CABCOCO1: variants seen among roughly 807,000 people sequenced by gnomAD.
The protein encoded by CABCOCO1 is ciliary-associated calcium-binding coiled-coil protein 1.
CABCOCO1 carries 28 observed loss-of-function variants against 35.7 expected under a neutral mutation model. The ratio of observed to expected loss-of-function variants is 0.78; its 90% CI spans 0.58 to 1.07. The LOEUF is 1.07. Ranked by LOEUF, CABCOCO1 falls within the 50% of genes least tolerant of loss-of-function variation. The pLI is 0.00. For synonymous variants in CABCOCO1, 95 were observed against 100.1 expected (o/e 0.95, Z 0.30); for missense variants, 326 against 309.2 (o/e 1.05, Z -0.41).
chr10:61,695,053 A>G (rs1362003628), intron 5 of CABCOCO1, among the ~76,000 whole-genome samples: 2 of 152,114 alleles, frequency 1.3e-5, no homozygotes, highest in East Asian at 3.8e-4. Context: ...AAAATCACAC[A>G]GAAAACAAAA....
intron 5 of CABCOCO1, among the ~76,000 whole-genome samples, chr10:61,722,163 A>G (rs909399944): frequency 2.6e-5 from 4 of 152,150 alleles, no homozygotes; most frequent in African/African-American, 9.7e-5. Context: ...AACTATATCT[A>G]TATTTCCTCT....
In CABCOCO1 at chr10:61,765,999, T is replaced by C. The variant is rs376952826; in HGVS notation, c.877T>C (p.Leu293=). The C allele has an allele frequency of 2.5e-5, 41 of 1,612,524 alleles. No homozygotes were observed. The highest frequency in any genetic ancestry group is 9.4e-5 in the African/African-American group (7 of 74,830). ...GGCCTTTAATGCACGAATAGAAAAA[T>C]TGAAAAAGGCCTAAGGACTTGGTAC... ...EEAFNARIEK[L]KKA Residue 293 remains leucine (L), a synonymous_variant, in exon 8 of 8, where the codon TTG becomes CTG. Coordinates refer to ENST00000648843, the MANE Select transcript of CABCOCO1 (RefSeq NM_001366906.2).
At chr10:61,710,613 C>T (rs12771450) in intron 5 of CABCOCO1, among the ~76,000 whole-genome samples, 18,174 of 151,718 alleles carry the variant, frequency 0.12, 1,439 homozygotes, top group African/African-American at 0.19. Context: ...AAAAACCATG[C>T]TCTAATCAAG....
chr10:61,721,756 A>G (rs914028674), intron 5 of CABCOCO1, among the ~76,000 whole-genome samples: 1 of 152,184 alleles, frequency 6.6e-6, no homozygotes, highest in Admixed American at 6.5e-5. Flanking sequence ...GGAGTGATGC[A>G]TTCCATAGAA....
At chr10:61,716,448 G>A (rs1406792462) in intron 5 of CABCOCO1, among the ~76,000 whole-genome samples, 2 of 151,906 alleles carry the variant, frequency 1.3e-5, no homozygotes, top group Non-Finnish European at 2.9e-5. Flanking sequence ...GGAGTGACAG[G>A]GAATTTGCAG....
In CABCOCO1 at chr10:61,733,660, T is replaced by C. The variant is rs1192860699; in HGVS notation, c.553-26399T>C. 2.0e-5 allele frequency among the ~76,000 whole-genome samples: 3 copies of C among 152,104 alleles called. No homozygotes were observed. The East Asian group carries it at 5.8e-4, about 29-fold the overall frequency. On this transcript the variant is annotated intron_variant, in intron 5 of 7. Transcript: ENST00000648843. ...ATATAGTTTTGTCATTTTTTTCCTT[T>C]GCAACTAGACATTAAATTACTTTCA...
At chr10:61,694,695 C>A (rs1299158352) in intron 5 of CABCOCO1, among the ~76,000 whole-genome samples, 3 of 151,968 alleles carry the variant, frequency 2.0e-5, no homozygotes, top group African/African-American at 7.2e-5. Context: ...GCCTGACACT[C>A]AGAAATGCTT....
At chr10:61,707,784 C>T (rs187328588) in intron 5 of CABCOCO1, among the ~76,000 whole-genome samples, 37 of 152,018 alleles carry the variant, frequency 2.4e-4, no homozygotes, top group Admixed American at 1.9e-3. Context: ...GCTCACTAAC[C>T]TTGAATGAAT....
chr10:61,741,422 T>G (rs1841547319), intron 5 of CABCOCO1, among the ~76,000 whole-genome samples: 1 of 152,148 alleles, frequency 6.6e-6, no homozygotes. Flanking sequence ...GGTGAATGAG[T>G]GCCACCTATT....
At chr10:61,717,613 G>A (rs1334616341) in intron 5 of CABCOCO1, among the ~76,000 whole-genome samples, 1 of 151,854 alleles carries the variant, frequency 6.6e-6, no homozygotes, top group African/African-American at 2.4e-5. Context: ...AAAAAAGGAG[G>A]GTAATATGGT....
At chr10:61,710,883 C>T (rs1439844369) in intron 5 of CABCOCO1, among the ~76,000 whole-genome samples, 1 of 151,804 alleles carries the variant, frequency 6.6e-6, no homozygotes, top group Non-Finnish European at 1.5e-5. Context: ...GACAGCTTTT[C>T]ACTCCAGGCA....
At chr10:61,667,405 G>A (rs879374977) in intron 1 of CABCOCO1, among the ~76,000 whole-genome samples, 5 of 146,088 alleles carry the variant, frequency 3.4e-5, no homozygotes, top group African/African-American at 1.3e-4. Flanking sequence ...TTTTTTTCTT[G>A]ACAAGTATGT....
chr10:61,750,750 A>C (rs113517583), intron 5 of CABCOCO1, among the ~76,000 whole-genome samples: 2 of 152,240 alleles, frequency 1.3e-5, no homozygotes, highest in East Asian at 3.8e-4. Context: ...CCGTTTTTCA[A>C]GAAAAATATT....
At chr10:61,699,268 T>C (rs552421414) in intron 5 of CABCOCO1, among the ~76,000 whole-genome samples, 44 of 152,312 alleles carry the variant, frequency 2.9e-4, no homozygotes, top group African/African-American at 1.0e-3. Flanking sequence ...CAGTCCTTTT[T>C]CTCCGAAGCA....
chr10:61,722,246 A>G (rs1841040416), intron 5 of CABCOCO1, among the ~76,000 whole-genome samples: 1 of 152,242 alleles, frequency 6.6e-6, no homozygotes, highest in African/African-American at 2.4e-5. Flanking sequence ...TGTCCACAAA[A>G]TAAACCTCAA....
At chr10:61,680,564 T>C (rs1379944075) in intron 2 of CABCOCO1, among the ~76,000 whole-genome samples, 2 of 17,912 alleles carry the variant, frequency 1.1e-4, no homozygotes, top group Non-Finnish European at 2.8e-4. Context: ...TAATATATAT[T>C]TGTATATATT....
intron 5 of CABCOCO1, among the ~76,000 whole-genome samples, chr10:61,710,955 A>G (rs185738860): frequency 1.8e-4 from 28 of 151,952 alleles, no homozygotes; most frequent in Non-Finnish European, 3.5e-4. Context: ...ACCCCAAATC[A>G]ATCACCAAAA....
At chr10:61,664,819 A>C (rs1839115933) in intron 1 of CABCOCO1, among the ~76,000 whole-genome samples, 1 of 152,126 alleles carries the variant, frequency 6.6e-6, no homozygotes, top group Non-Finnish European at 1.5e-5. Context: ...ATTTGTGCTG[A>C]TTGGGGGTGT....
intron 5 of CABCOCO1, among the ~76,000 whole-genome samples, chr10:61,708,807 G>C (rs564703559): frequency 6.6e-6 from 1 of 152,218 alleles, no homozygotes; most frequent in South Asian, 2.1e-4. Flanking sequence ...AAATAAATTA[G>C]ATAACAGTTT....
Sources: gnomAD v4.1 joint callset for allele counts (sites outside exome capture counted in the v4.1 genomes callset) on GRCh38, gnomAD v4.1.1 for gene constraint, MANE v1.5 for transcripts, NCBI Gene and HGNC (gene_info 2026-07-23, HGNC 2026-07-21) for gene names.